TRIM44: variants seen among roughly 807,000 people sequenced by gnomAD.
TRIM44 encodes the protein tripartite motif-containing protein 44.
A neutral mutation model predicts 37.4 loss-of-function variants in TRIM44; 13 were observed. The observed-to-expected ratio is 0.35, with a 90% CI of 0.23 to 0.55. The LOEUF (loss-of-function observed/expected upper bound fraction) is 0.55. TRIM44 is among the 20% of genes least tolerant of loss of function. The pLI, the probability that TRIM44 is intolerant of heterozygous loss-of-function variation, is 0.89. For missense variants in TRIM44, 426 were observed against 437.2 expected (o/e 0.97, Z 0.23); for synonymous variants, 175 against 157.2 (o/e 1.11, Z -0.85).
At chr11:35,672,711 G>T (rs16927837) in intron 1 of TRIM44, among the ~76,000 whole-genome samples, 1,943 of 152,260 alleles carry the variant, frequency 0.013, 44 homozygotes, top group African/African-American at 0.044. Flanking sequence ...TTCCATAGTG[G>T]TCAGTGAATC....
At chr11:35,684,259 CA>C (rs1286136679) in intron 1 of TRIM44, among the ~76,000 whole-genome samples, 2 of 151,394 alleles carry the variant, frequency 1.3e-5, no homozygotes, top group Non-Finnish European at 2.9e-5. Flanking sequence ...AAAGACCTAG[CA>C]TAAAAAAAAA....
At chr11:35,719,805 A>C (rs374811452) in intron 2 of TRIM44, among the ~76,000 whole-genome samples, 1 of 152,162 alleles carries the variant, frequency 6.6e-6, no homozygotes, top group African/African-American at 2.4e-5. Flanking sequence ...GTTCACAACT[A>C]TCTTTTCTCT....
At chr11:35,702,886 G>C (rs529211975) in intron 2 of TRIM44, among the ~76,000 whole-genome samples, 78 of 152,354 alleles carry the variant, frequency 5.1e-4, no homozygotes, top group African/African-American at 1.8e-3. Context: ...ATCTCACTAG[G>C]GAGTGCCAGA....
intron 2 of TRIM44, among the ~76,000 whole-genome samples, chr11:35,711,194 G>A (rs1344217113): frequency 6.6e-6 from 1 of 152,194 alleles, no homozygotes; most frequent in South Asian, 2.1e-4. Context: ...TGTAAAATAT[G>A]TGAATTATAT....
At chr11:35,669,920 C>G (rs1219461023) in intron 1 of TRIM44, among the ~76,000 whole-genome samples, 1 of 152,184 alleles carries the variant, frequency 6.6e-6, no homozygotes, top group African/African-American at 2.4e-5. Context: ...CTCCTGGGTT[C>G]AAGCAGTTCT....
At chr11:35,731,259 T>C (rs1225707187) in intron 3 of TRIM44, among the ~76,000 whole-genome samples, 1 of 152,218 alleles carries the variant, frequency 6.6e-6, no homozygotes, top group Non-Finnish European at 1.5e-5. Flanking sequence ...AGTGCCTTTC[T>C]ATTCCTAATG....
intron 4 of TRIM44, among the ~76,000 whole-genome samples, chr11:35,747,797 G>T (rs1221780041): frequency 1.3e-5 from 2 of 151,924 alleles, no homozygotes; most frequent in African/African-American, 2.4e-5. Context: ...TCACCAAGTG[G>T]CAGGTGCAGG....
At chr11:35,686,381 T>G (rs1039999565) in intron 2 of TRIM44, among the ~76,000 whole-genome samples, 3 of 151,628 alleles carry the variant, frequency 2.0e-5, no homozygotes, top group Admixed American at 6.6e-5. Flanking sequence ...TTTGTTTTTT[T>G]TTTTTTTAAG....
At chr11:35,753,179 A>T (rs1466082658) in intron 4 of TRIM44, among the ~76,000 whole-genome samples, 1 of 152,192 alleles carries the variant, frequency 6.6e-6, no homozygotes, top group African/African-American at 2.4e-5. Flanking sequence ...TATTTACAAA[A>T]TGGGGATAAT....
In TRIM44 at chr11:35,763,626, G is replaced by T. The variant is rs557717117; in HGVS notation, c.1007+28181G>T. On this transcript the variant is annotated intron_variant, in intron 4 of 4. Transcript: ENST00000299413. ...ATTCCTCTGGCTCTAAAACTCCAAG[G>T]TCTTTGTTCTGGAAGACCACACACT... 3.3e-5 allele frequency among the ~76,000 whole-genome samples: 5 copies of T among 152,282 alleles called. No individual in the cohort carries two copies. The South Asian group carries it at 1.0e-3, about 32-fold the overall frequency.
At chr11:35,803,814 G>A (rs1853402374) in intron 4 of TRIM44, among the ~76,000 whole-genome samples, 2 of 152,284 alleles carry the variant, frequency 1.3e-5, no homozygotes, top group East Asian at 1.9e-4. Flanking sequence ...ATTCAGGAGA[G>A]GAGATGATGC....
At chr11:35,709,099 G>A (rs1851932026) in intron 2 of TRIM44, among the ~76,000 whole-genome samples, 1 of 152,018 alleles carries the variant, frequency 6.6e-6, no homozygotes, top group African/African-American at 2.4e-5. Context: ...TGGTGCTGCA[G>A]TTTATTTCCT....
chr11:35,795,154 G>A (rs568862216), intron 4 of TRIM44, among the ~76,000 whole-genome samples: 3 of 152,256 alleles, frequency 2.0e-5, no homozygotes, highest in African/African-American at 4.8e-5. Context: ...GAAAGCCAGC[G>A]TGGCTGGAAG....
rs760209477 is a variant in TRIM44, at chr11:35,806,371, G to C, written c.1021G>C (p.Glu341Gln). 5 of 1,613,670 alleles carry C rather than the reference G, an allele frequency of 3.1e-6. No individual in the cohort carries two copies. In the East Asian group the frequency reaches 8.9e-5, roughly 29 times the overall value. The change falls in exon 5 of 5, where the codon GAA becomes CAA. Residue 341 changes from glutamate (E) to glutamine (Q), a missense_variant. By Grantham distance (29) the Glu-to-Gln change is conservative (BLOSUM62 2). Transcript: ENST00000299413. The part of the protein sequence containing the change: ...DEEGPSGASE[E>Q]EDT ...TTTCCTTTGTAGTGGTGCCAGTGAA[G>C]AAGAGGACACATGAAGGCTTGCTAC...
chr11:35,707,382 A>G (rs1851900771), intron 2 of TRIM44, among the ~76,000 whole-genome samples: 1 of 152,240 alleles, frequency 6.6e-6, no homozygotes, highest in South Asian at 2.1e-4. Flanking sequence ...GAAGCTACCA[A>G]TGACTTTCTT....
At chr11:35,717,765 T>C (rs183105078) in intron 2 of TRIM44, among the ~76,000 whole-genome samples, 1 of 151,908 alleles carries the variant, frequency 6.6e-6, no homozygotes, top group African/African-American at 2.4e-5. Flanking sequence ...AGGCCCCAAA[T>C]GTCAGTCAGT....
intron 1 of TRIM44, among the ~76,000 whole-genome samples, chr11:35,680,190 C>A (rs892864913): frequency 3.3e-5 from 5 of 152,182 alleles, no homozygotes; most frequent in Admixed American, 6.5e-5. Flanking sequence ...GCACTGTAAG[C>A]AGGAGACCTT....
intron 4 of TRIM44, among the ~76,000 whole-genome samples, chr11:35,766,651 T>C (rs1277961417): frequency 1.3e-5 from 2 of 152,220 alleles, no homozygotes; most frequent in African/African-American, 4.8e-5. Flanking sequence ...CCCCTGTTTC[T>C]CACTTGCTTT....
chr11:35,685,900 G>A (rs1851571304), intron 2 of TRIM44, among the ~76,000 whole-genome samples: 1 of 152,166 alleles, frequency 6.6e-6, no homozygotes, highest in Admixed American at 6.5e-5. Context: ...CTGACCTCGT[G>A]ATCCGCCCTC....
Sources: allele counts gnomAD v4.1 joint callset (sites outside exome capture counted in the v4.1 genomes callset), GRCh38; gene constraint gnomAD v4.1.1; transcripts MANE v1.5; gene names NCBI Gene and HGNC (gene_info 2026-07-23, HGNC 2026-07-21).